The following PRKG1 variants were observed in gnomAD, a reference collection of about 807,000 sequenced individuals.
The protein encoded by PRKG1 is cGMP-dependent protein kinase 1.
In PRKG1, 35 loss-of-function variants were observed where a neutral mutation model predicts 88.1. The ratio of observed to expected loss-of-function variants is 0.40; its 90% CI spans 0.30 to 0.53. The LOEUF (loss-of-function observed/expected upper bound fraction) is 0.53. PRKG1 is among the 20% of genes least tolerant of loss of function. The pLI is 0.59. For synonymous variants in PRKG1, 303 were observed against 292.5 expected, an observed-to-expected ratio of 1.04 and a Z score of -0.37; for missense variants, 540 against 839.8, an observed-to-expected ratio of 0.64 and a Z score of 4.41.
intron 3 of PRKG1, among the ~76,000 whole-genome samples, chr10:51,651,708 C>G (rs546262555): frequency 9.9e-5 from 15 of 152,020 alleles, no homozygotes; most frequent in African/African-American, 3.1e-4. Flanking sequence ...CTCAGCCTCC[C>G]GAGTAGCTGG....
chr10:51,386,011 G>A (rs1428180160), intron 2 of PRKG1, among the ~76,000 whole-genome samples: 2 of 152,026 alleles, frequency 1.3e-5, no homozygotes, highest in Admixed American at 6.6e-5. Flanking sequence ...TTGGTTTAGA[G>A]TGTAAAAATG....
chr10:51,541,716 T>C (rs1243038037), intron 3 of PRKG1, among the ~76,000 whole-genome samples: 6 of 152,092 alleles, frequency 3.9e-5, no homozygotes, highest in African/African-American at 1.4e-4. Context: ...AAAGGAAAGA[T>C]AATGAAGTTT....
chr10:51,592,859 C>A (rs1838347444), intron 3 of PRKG1, among the ~76,000 whole-genome samples: 2 of 152,170 alleles, frequency 1.3e-5, no homozygotes. Context: ...TGATGATCCT[C>A]ACAAGTATTG....
intron 5 of PRKG1, among the ~76,000 whole-genome samples, chr10:51,986,637 G>A (rs1404708134): frequency 6.6e-6 from 1 of 152,166 alleles, no homozygotes; most frequent in African/African-American, 2.4e-5. Flanking sequence ...GCTCCAACAT[G>A]AACTATGGTC....
intron 3 of PRKG1, among the ~76,000 whole-genome samples, chr10:51,640,373 A>G (rs2132296282): frequency 6.6e-6 from 1 of 152,346 alleles, no homozygotes; most frequent in African/African-American, 2.4e-5. Context: ...AGTTCTCTCA[A>G]CACCTGATTT....
chr10:51,429,148 T>A (rs987565320), intron 2 of PRKG1, among the ~76,000 whole-genome samples: 1 of 152,200 alleles, frequency 6.6e-6, no homozygotes, highest in Non-Finnish European at 1.5e-5. Context: ...GCTTATTGGC[T>A]CAACATGTTT....
At chr10:51,935,637 G>A (rs1177203703) in intron 5 of PRKG1, among the ~76,000 whole-genome samples, 3 of 152,106 alleles carry the variant, frequency 2.0e-5, no homozygotes, top group African/African-American at 4.8e-5. Flanking sequence ...TCCAATTGTC[G>A]CTTCTTATTC....
chr10:51,874,890 A>G (rs1841255173), intron 4 of PRKG1, among the ~76,000 whole-genome samples: 2 of 152,198 alleles, frequency 1.3e-5, no homozygotes, highest in African/African-American at 4.8e-5. Flanking sequence ...GTGTGAAATT[A>G]GTTAGGTAAT....
At chr10:52,102,982 G>T (rs1847331431) in intron 7 of PRKG1, among the ~76,000 whole-genome samples, 1 of 152,194 alleles carries the variant, frequency 6.6e-6, no homozygotes, top group Non-Finnish European at 1.5e-5. Context: ...TGAGCAGCAG[G>T]TGAGTGAGCA....
intron 3 of PRKG1, among the ~76,000 whole-genome samples, chr10:51,470,978 A>G (rs1052251892): frequency 9.2e-5 from 14 of 151,962 alleles, no homozygotes; most frequent in African/African-American, 3.1e-4. Flanking sequence ...ATTTTTAAAA[A>G]ATCAAAACCA....
At chr10:51,465,633 C>T (rs118161789) in intron 2 of PRKG1, among the ~76,000 whole-genome samples, 2,657 of 152,232 alleles carry the variant, frequency 0.017, 32 homozygotes, top group Middle Eastern at 0.031. Flanking sequence ...GTATGATTTT[C>T]TGAGCTTCTA....
At chr10:51,537,127 C>A (rs534557877) in intron 3 of PRKG1, among the ~76,000 whole-genome samples, 1 of 152,220 alleles carries the variant, frequency 6.6e-6, no homozygotes, top group East Asian at 1.9e-4. Flanking sequence ...TTCTGACAGG[C>A]TGCTACCTAT....
chr10:51,462,175 GT>G (rs1157369431), intron 2 of PRKG1, among the ~76,000 whole-genome samples: 1 of 152,162 alleles, frequency 6.6e-6, no homozygotes, highest in Non-Finnish European at 1.5e-5. Context: ...GGAGATAAGA[GT>G]TCTTGTCTAG....
At chr10:51,592,177 A>G (rs951994676) in intron 3 of PRKG1, among the ~76,000 whole-genome samples, 13 of 152,204 alleles carry the variant, frequency 8.5e-5, no homozygotes, top group Non-Finnish European at 1.6e-4. Flanking sequence ...GAAATAAAAT[A>G]AGGTTCGAGG....
intron 5 of PRKG1, among the ~76,000 whole-genome samples, chr10:52,014,936 C>T (rs927534200): frequency 8.5e-5 from 13 of 152,254 alleles, no homozygotes; most frequent in Admixed American, 6.5e-5. Context: ...GCAGCTCTGC[C>T]TCTGTGGCTC....
At chr10:51,677,449 A>T (rs1389737993) in intron 3 of PRKG1, among the ~76,000 whole-genome samples, 2 of 152,208 alleles carry the variant, frequency 1.3e-5, no homozygotes, top group Non-Finnish European at 1.5e-5. Flanking sequence ...TTACAAATGC[A>T]AAGTGTGCAA....
intron 3 of PRKG1, among the ~76,000 whole-genome samples, chr10:51,740,115 C>G (rs963293979): frequency 1.3e-5 from 2 of 152,154 alleles, no homozygotes; most frequent in African/African-American, 4.8e-5. Flanking sequence ...GCAGCCTAGG[C>G]CTCCTGGGCT....
intron 1 of PRKG1, among the ~76,000 whole-genome samples, chr10:51,104,048 G>A (rs1269610297): frequency 6.6e-6 from 1 of 152,176 alleles, no homozygotes; most frequent in African/African-American, 2.4e-5. Flanking sequence ...GGAAGACATA[G>A]ATGGGAAGTC....
intron 2 of PRKG1, among the ~76,000 whole-genome samples, chr10:51,211,812 A>G (rs1181896501): frequency 1.3e-5 from 2 of 152,218 alleles, no homozygotes; most frequent in Admixed American, 6.5e-5. Context: ...CAATGAAATA[A>G]AAGAGGATAC....
Sources: allele counts gnomAD v4.1 joint callset (sites outside exome capture counted in the v4.1 genomes callset), GRCh38; gene constraint gnomAD v4.1.1; transcripts MANE v1.5; gene names NCBI Gene and HGNC (gene_info 2026-07-23, HGNC 2026-07-21).